HIP1: variants seen among roughly 807,000 people sequenced by gnomAD.
The protein encoded by HIP1 is huntingtin-interacting protein 1.
Under a neutral mutation model 147.6 loss-of-function variants are expected in HIP1, and 65 were observed. The observed-to-expected ratio is 0.44, with a 90% confidence interval of 0.36 to 0.54. HIP1 has a LOEUF of 0.54. HIP1 is among the 20% of genes least tolerant of loss of function. The pLI is 0.00. For synonymous variants in HIP1, 479 were observed against 504.0 expected (o/e 0.95, Z 0.67); for missense variants, 1,061 against 1,299.6 (o/e 0.82, Z 2.82).
intron 1 of HIP1, among the ~76,000 whole-genome samples, chr7:75,679,258 T>G (rs1799987343): frequency 6.6e-6 from 1 of 152,212 alleles, no homozygotes; most frequent in Non-Finnish European, 1.5e-5. Flanking sequence ...AGGCTGGAAT[T>G]CAGTTGTGTG....
chr7:75,577,998 A>T lies in HIP1; in HGVS notation c.604+3239T>A, dbSNP rs587646350. 6.6e-5 allele frequency among the ~76,000 whole-genome samples: 10 copies of T among 152,286 alleles called. No homozygotes were observed. The East Asian group carries it at 1.9e-3, about 29-fold the overall frequency. On this transcript the variant is annotated intron_variant, in intron 7 of 30. Coordinates refer to ENST00000336926, the MANE Select transcript of HIP1 (RefSeq NM_005338.7). Reference sequence around the variant, plus strand: ...CTGGGCAACAGAGCGAGACTCTCTCAAAACAAAACAAACAAACACACAAAA... The same window carrying T: ...CTGGGCAACAGAGCGAGACTCTCTCTAAACAAAACAAACAAACACACAAAA...
At chr7:75,623,962 T>C (rs587698416) in intron 1 of HIP1, among the ~76,000 whole-genome samples, 1 of 152,244 alleles carries the variant, frequency 6.6e-6, no homozygotes, top group Non-Finnish European at 1.5e-5. Context: ...CATAGGAGGC[T>C]GAGGCAGGAG....
intron 1 of HIP1, among the ~76,000 whole-genome samples, chr7:75,687,637 G>T (rs1800308273): frequency 6.6e-6 from 1 of 152,196 alleles, no homozygotes; most frequent in African/African-American, 2.4e-5. Context: ...GTTGCAGTGA[G>T]CCGAGATGGC....
chr7:75,612,131 G>A (rs1797462236), intron 1 of HIP1, among the ~76,000 whole-genome samples: 2 of 152,242 alleles, frequency 1.3e-5, no homozygotes, highest in East Asian at 1.9e-4. Context: ...TGTGCCCCGG[G>A]TGGGGGTGGC....
chr7:75,568,690 A>C lies in HIP1; in HGVS notation c.746-434T>G, dbSNP rs1795501659. On this transcript the variant is annotated intron_variant, in intron 8 of 30. Transcript: ENST00000336926. This position sits in a 1 kb window ranked among gnomAD's most constrained non-coding sequence, Gnocchi z 4.1. ...AAGAGATCCGCAGAACCTGCCCAAGAGGATGGCTGTCAGAAGGCAAAGAAC... is the reference window on the plus strand; with the variant it reads ...AAGAGATCCGCAGAACCTGCCCAAGCGGATGGCTGTCAGAAGGCAAAGAAC... Among the ~76,000 whole-genome samples, 1 of 152,166 alleles carries C rather than the reference A, an allele frequency of 6.6e-6. No individual in the cohort carries two copies. The highest frequency in any genetic ancestry group is 1.5e-5 in the Non-Finnish European group (1 of 68,022).
chr7:75,709,816 G>A (rs1563306549), intron 1 of HIP1, among the ~76,000 whole-genome samples: 1 of 152,142 alleles, frequency 6.6e-6, no homozygotes, highest in Non-Finnish European at 1.5e-5. Context: ...TCTGCTGTGG[G>A]TTGTTAATAT....
At chr7:75,697,238 C>T (rs1308098100) in intron 1 of HIP1, among the ~76,000 whole-genome samples, 1 of 152,032 alleles carries the variant, frequency 6.6e-6, no homozygotes, top group Non-Finnish European at 1.5e-5. Context: ...TGTATTCTAT[C>T]TACTGATCTG....
chr7:75,588,713 G>T (rs1554500037), intron 4 of HIP1, among the ~76,000 whole-genome samples: 2 of 152,050 alleles, frequency 1.3e-5, no homozygotes, highest in Admixed American at 1.3e-4. Context: ...GGTTGAGGCT[G>T]CAATAAGCCA....
At chr7:75,717,565 C>T (rs1234459565) in intron 1 of HIP1, among the ~76,000 whole-genome samples, 1 of 151,102 alleles carries the variant, frequency 6.6e-6, no homozygotes, top group African/African-American at 2.4e-5. Context: ...GGTGTGGTGG[C>T]TTACACCCAT....
intron 2 of HIP1, among the ~76,000 whole-genome samples, chr7:75,595,235 T>TCTTTCTTTCTTTCTTC (rs1796665800): frequency 9.1e-6 from 1 of 109,394 alleles, no homozygotes; most frequent in Non-Finnish European, 1.8e-5. Context: ...TTTCTTTCTT[T>TCTTTCTTTCTTTCTTC]CTTTCTTTCT....
Position 75,541,979 on chromosome 7 carries a change from G to C in HIP1, c.2892C>G (p.Asp964Glu), listed in dbSNP as rs1554489989. ...GCGTCATGCTTGAGAAGTCCATGTT[G>C]TCTGCAAGGATGGAAACAAGAAGGT... is the stretch of plus-strand genomic sequence containing the variant. The part of the protein sequence containing the change: ...ISGKSQIEET[D>E]NMDFSSMTLT... Residue 964 changes from aspartate (D) to glutamate (E), a missense_variant and splice_region_variant, in exon 29 of 31, where the codon GAC becomes GAG. Transcript: ENST00000336926. 1 of 1,613,500 alleles carries C rather than the reference G, an allele frequency of 6.2e-7. No individual in the cohort carries two copies. The highest frequency in any genetic ancestry group is 8.5e-7 in the Non-Finnish European group (1 of 1,179,408).
chr7:75,664,770 A>G (rs1353139996), intron 1 of HIP1, among the ~76,000 whole-genome samples: 1 of 151,894 alleles, frequency 6.6e-6, no homozygotes, highest in Admixed American at 6.6e-5. Flanking sequence ...ACAAGCATGC[A>G]CCACCACGTC....
intron 1 of HIP1, among the ~76,000 whole-genome samples, chr7:75,723,624 C>T (rs1554521982): frequency 6.6e-6 from 1 of 152,044 alleles, no homozygotes; most frequent in Non-Finnish European, 1.5e-5. Flanking sequence ...AGAGGCCTCC[C>T]TCTGGTCCTC....
chr7:75,710,972 A>G (rs1379570085), intron 1 of HIP1, among the ~76,000 whole-genome samples: 2 of 152,044 alleles, frequency 1.3e-5, no homozygotes, highest in African/African-American at 4.8e-5. Context: ...CTTTTAAATT[A>G]CTCATCTTTC....
chr7:75,631,483 T>C (rs1329541481), intron 1 of HIP1, among the ~76,000 whole-genome samples: 1 of 152,130 alleles, frequency 6.6e-6, no homozygotes, highest in Non-Finnish European at 1.5e-5. Context: ...CGAGCCTCCC[T>C]TAATCCTCTG....
At chr7:75,710,942 T>C (rs1801149875) in intron 1 of HIP1, among the ~76,000 whole-genome samples, 1 of 152,152 alleles carries the variant, frequency 6.6e-6, no homozygotes, top group African/African-American at 2.4e-5. Flanking sequence ...ATGCCCCAAA[T>C]GACCAAGACA....
At chr7:75,642,307 G>GCGGGAGGATCACCTGAGGT (rs1356625616) in intron 1 of HIP1, among the ~76,000 whole-genome samples, 4 of 152,206 alleles carry the variant, frequency 2.6e-5, no homozygotes, top group Non-Finnish European at 5.9e-5. Context: ...GGAGGCTGAG[G>GCGGGAGGATCACCTGAGGT]CGGGAGGATC....
At chr7:75,725,676 TC>T (rs1448875400) in intron 1 of HIP1, among the ~76,000 whole-genome samples, 2 of 152,222 alleles carry the variant, frequency 1.3e-5, no homozygotes, top group Non-Finnish European at 2.9e-5. Flanking sequence ...AAGTTTATTT[TC>T]ATGGGTGTAT....
chr7:75,602,972 G>GGT (rs1797063352), intron 1 of HIP1, among the ~76,000 whole-genome samples: 1 of 151,970 alleles, frequency 6.6e-6, no homozygotes, highest in African/African-American at 2.4e-5. Flanking sequence ...GGAGGATGCT[G>GGT]CATGAAATGA....
Sources: gnomAD v4.1 joint callset for allele counts (sites outside exome capture counted in the v4.1 genomes callset) on GRCh38, gnomAD v4.1.1 for gene constraint, Gnocchi (gnomAD v3.1) non-coding constraint, MANE v1.5 for transcripts, NCBI Gene and HGNC (gene_info 2026-07-23, HGNC 2026-07-21) for gene names.